Variants in NFIA observed in about 807,000 individuals in gnomAD.
NFIA encodes nuclear factor 1 A-type.
In NFIA, 8 loss-of-function variants were observed where a neutral mutation model predicts 62.8. The observed-to-expected ratio is 0.13, with a 90% CI of 0.07 to 0.23. NFIA has a LOEUF of 0.23. Among genes scored for constraint, NFIA ranks in the 10% least tolerant of loss-of-function variants. The pLI, the probability that NFIA is intolerant of heterozygous loss-of-function variation, is 1.00. For missense variants in NFIA, 410 were observed against 642.1 expected, an observed-to-expected ratio of 0.64 and a Z score of 3.91; for synonymous variants, 235 against 238.1, an observed-to-expected ratio of 0.99 and a Z score of 0.12.
intron 6 of NFIA, among the ~76,000 whole-genome samples, chr1:61,364,377 A>G (rs1457970218): frequency 6.6e-6 from 1 of 152,230 alleles, no homozygotes; most frequent in African/African-American, 2.4e-5. Flanking sequence ...TAGGTATTCA[A>G]TAAATATTGA....
intron 5 of NFIA, among the ~76,000 whole-genome samples, chr1:61,354,650 C>T (rs575577860): frequency 4.6e-5 from 7 of 152,166 alleles, no homozygotes; most frequent in Non-Finnish European, 8.8e-5. Context: ...TAAAAATATG[C>T]TCTTTTCACA....
chr1:61,386,979 G>A (rs903807489), intron 7 of NFIA, among the ~76,000 whole-genome samples: 1 of 152,130 alleles, frequency 6.6e-6, no homozygotes, highest in African/African-American at 2.4e-5. Flanking sequence ...GGGTGGGGTC[G>A]CTCTCTAGTG....
intron 10 of NFIA, among the ~76,000 whole-genome samples, chr1:61,437,030 T>G (rs538034202): frequency 6.6e-6 from 1 of 152,258 alleles, no homozygotes; most frequent in South Asian, 2.1e-4. Flanking sequence ...AGTCTGAATG[T>G]GTTGAGATAA....
intron 2 of NFIA, among the ~76,000 whole-genome samples, chr1:61,271,314 T>G (rs1192296683): frequency 6.6e-6 from 1 of 152,196 alleles, no homozygotes; most frequent in Admixed American, 6.5e-5. Flanking sequence ...CTCTTCAACT[T>G]AAACAGTCTT....
intron 2 of NFIA, among the ~76,000 whole-genome samples, chr1:61,224,721 T>C (rs951789733): frequency 6.6e-6 from 1 of 152,204 alleles, no homozygotes; most frequent in African/African-American, 2.4e-5. Context: ...TCACCTCCTC[T>C]ACTCATCTAT....
At chr1:61,326,016 T>G (rs1660918751) in intron 3 of NFIA, among the ~76,000 whole-genome samples, 1 of 151,934 alleles carries the variant, frequency 6.6e-6, no homozygotes, top group Admixed American at 6.6e-5. Context: ...ATGTTTTACC[T>G]TCTAAATTGC....
intron 2 of NFIA, among the ~76,000 whole-genome samples, chr1:61,209,261 A>G (rs567321952): frequency 1.3e-5 from 2 of 152,250 alleles, no homozygotes; most frequent in South Asian, 2.1e-4. Flanking sequence ...GAGAAATGCA[A>G]CCTGTTCATT....
At chr1:61,118,191 C>CAAAA (rs10719154) in intron 2 of NFIA, among the ~76,000 whole-genome samples, 8 of 131,276 alleles carry the variant, frequency 6.1e-5, no homozygotes, top group African/African-American at 1.7e-4. Context: ...TCTCAAAGAA[C>CAAAA]AAAAAAAAAA....
In NFIA at chr1:61,088,794, A is replaced by T. The variant is rs920013778; in HGVS notation, c.559+114A>T. On this transcript the variant is annotated intron_variant, in intron 2 of 10. Coordinates refer to ENST00000403491, the MANE Select transcript of NFIA (RefSeq NM_001134673.4). This position sits in a 1 kb window ranked among gnomAD's most constrained non-coding sequence, Gnocchi z 4.5. ...CCCCAAGTTGCAGGCCACGTACATG[A>T]AGCCAGTGTGGTTTCAAAGATTGAG... is the stretch of plus-strand genomic sequence containing the variant. The T allele has an allele frequency of 3.2e-6, 4 of 1,233,578 alleles. No individual in the cohort carries two copies. The highest frequency in any genetic ancestry group is 2.3e-5 in the Admixed American group (1 of 43,310). The allele number at this position is 1,233,578 out of a possible 1,614,324, so 76.4% of individuals were successfully genotyped here.
rs146429553 is a variant in NFIA at position 61,422,672 on chromosome 1, C to T, written c.1421-3793C>T. On this transcript the variant is annotated intron_variant, in intron 9 of 10. Transcript: ENST00000403491. ...GCTTGGTCCCAGCACCTTGGGAGGC[C>T]GAGGCGAGAGGATTGCCTGAGCCCA... is the stretch of plus-strand genomic sequence containing the variant. 1.3e-3 allele frequency among the ~76,000 whole-genome samples: 203 copies of T among 150,990 alleles called. 1 individual carries two copies. The highest frequency in any genetic ancestry group is 4.9e-3 in the African/African-American group (200 of 41,016).
At chr1:61,362,729 G>A (rs190154531) in intron 6 of NFIA, among the ~76,000 whole-genome samples, 6 of 152,308 alleles carry the variant, frequency 3.9e-5, no homozygotes, top group African/African-American at 1.2e-4. Flanking sequence ...GACAACTTCA[G>A]AATGACTTTC....
intron 6 of NFIA, 58 bp downstream of exon 6, chr1:61,359,332 G>A (rs1464544484): frequency 1.9e-5 from 30 of 1,609,372 alleles, no homozygotes; most frequent in Non-Finnish European, 2.4e-5. Flanking sequence ...AAATACGTGT[G>A]GGGTCCCATG....
chr1:61,383,511 AT>A, intron 7 of NFIA, 146 bp downstream of exon 7: 2 of 1,037,560 alleles, frequency 1.9e-6, no homozygotes, highest in Non-Finnish European at 2.7e-6. Context: ...CAGCCTTGGA[AT>A]TTTAGAGACC....
chr1:61,245,039 C>T (rs1171580368), intron 2 of NFIA, among the ~76,000 whole-genome samples: 2 of 152,116 alleles, frequency 1.3e-5, no homozygotes, highest in African/African-American at 2.4e-5. Flanking sequence ...GTTTGTCCAA[C>T]TCAAACATGT....
chr1:61,333,068 TACACACACACACACAC>T (rs34809808), intron 4 of NFIA, among the ~76,000 whole-genome samples: 2 of 132,596 alleles, frequency 1.5e-5, no homozygotes, highest in Non-Finnish European at 3.4e-5. Flanking sequence ...CACACACACA[TACACACACACACACAC>T]ACACACATAC....
intron 2 of NFIA, among the ~76,000 whole-genome samples, chr1:61,180,011 A>T (rs979333552): frequency 2.0e-5 from 3 of 152,160 alleles, no homozygotes; most frequent in African/African-American, 7.2e-5. Context: ...GCATTATGTG[A>T]ATTTGGCCCT....
chr1:61,354,722 A>G (rs372649762), intron 5 of NFIA, among the ~76,000 whole-genome samples: 140 of 152,288 alleles, frequency 9.2e-4, no homozygotes, highest in African/African-American at 3.1e-3. Context: ...ATGAGGTCCT[A>G]AAAAAGGAGT....
intron 2 of NFIA, among the ~76,000 whole-genome samples, chr1:61,146,359 G>A (rs1027213976): frequency 6.6e-6 from 1 of 152,086 alleles, no homozygotes; most frequent in Non-Finnish European, 1.5e-5. Context: ...TTGTTCGGCC[G>A]ATCATACCTT....
At chr1:61,257,252 G>A (rs1462155837) in intron 2 of NFIA, among the ~76,000 whole-genome samples, 1 of 151,396 alleles carries the variant, frequency 6.6e-6, no homozygotes, top group Non-Finnish European at 1.5e-5. Context: ...GTCCTCTGTA[G>A]CAGGATAAGC....
Sources: gnomAD v4.1 joint callset for allele counts (sites outside exome capture counted in the v4.1 genomes callset) on GRCh38, gnomAD v4.1.1 for gene constraint, Gnocchi (gnomAD v3.1) non-coding constraint, MANE v1.5 for transcripts, NCBI Gene and HGNC (gene_info 2026-07-23, HGNC 2026-07-21) for gene names.